Variants in PCDH12 observed in about 807,000 individuals in gnomAD.
PCDH12 encodes the protein protocadherin-12.
PCDH12 carries 45 observed loss-of-function variants against 70.9 expected under a neutral mutation model. The observed-to-expected ratio is 0.63, with a 90% CI of 0.50 to 0.81. The LOEUF (loss-of-function observed/expected upper bound fraction) is 0.81. PCDH12 is among the 40% of genes least tolerant of loss of function. PCDH12 has a pLI of 0.00. For missense variants in PCDH12, 1,370 were observed against 1,491.7 expected, an observed-to-expected ratio of 0.92 and a Z score of 1.34; for synonymous variants, 567 against 626.0, an observed-to-expected ratio of 0.91 and a Z score of 1.41.
At chr5:141,946,310 A>G (rs1384517941) in intron 3 of PCDH12, among the ~76,000 whole-genome samples, 1 of 152,196 alleles carries the variant, frequency 6.6e-6, no homozygotes, top group East Asian at 1.9e-4. Context: ...AGCAATTTAC[A>G]TAATTATTTC....
Position 141,951,489 on chromosome 5 carries a change from T to C in PCDH12, c.2978+4A>G. ...GATGCCTGTGGGGGCTACGTGCTGC[T>C]TACCTGCTGCCTCCTGGCTTGGCCA... On this transcript the variant is annotated splice_donor_region_variant and intron_variant, in intron 2 of 3. Transcript: ENST00000231484. The C allele has an allele frequency of 6.2e-7, 1 of 1,613,296 alleles. No homozygotes were observed. Among genetic ancestry groups the C allele is most frequent in the Non-Finnish European group, 8.5e-7 (1 of 1,179,300 alleles).
At chr5:141,951,398 A>T in intron 2 of PCDH12, 95 bp downstream of exon 2, 1 of 921,028 alleles carries the variant, frequency 1.1e-6, no homozygotes, top group Non-Finnish European at 1.8e-6. Flanking sequence ...CCGGTGTCTG[A>T]CTTGTGCTCA....
chr5:141,951,231 A>G (rs1753074585), intron 2 of PCDH12, among the ~76,000 whole-genome samples: 2 of 152,184 alleles, frequency 1.3e-5, no homozygotes, highest in South Asian at 4.1e-4. Flanking sequence ...GGATGAGGTC[A>G]TTTCCTTGGT....
Position 141,956,601 on chromosome 5 carries a change from T to A in PCDH12, c.1251A>T (p.Thr417=). 6.2e-7 allele frequency: 1 copy of A among 1,614,192 alleles called. No homozygotes were observed. Among genetic ancestry groups the A allele is most frequent in the East Asian group, 2.2e-5 (1 of 44,884 alleles). ...GNTYMLLTNA[T]LDREQWPKYT... ...ATTTGGGCCACTGCTCTCTGTCCAG[T>A]GTGGCATTGGTTAGCAACATGTATG... is the stretch of plus-strand genomic sequence containing the variant. Residue 417 remains threonine (T), a synonymous_variant, in exon 1 of 4, where the codon ACA becomes ACT. Transcript: ENST00000231484.
At chr5:141,951,966 C>T (rs1304621307) in intron 1 of PCDH12, among the ~76,000 whole-genome samples, 1 of 152,252 alleles carries the variant, frequency 6.6e-6, no homozygotes, top group Non-Finnish European at 1.5e-5. Context: ...TTATGTTCCC[C>T]TTTAGCAGTA....
At position 141,954,961 on chromosome 5, in the gene PCDH12, G is replaced by A; in HGVS notation, c.2880+11C>T. On this transcript the variant is annotated intron_variant, in intron 1 of 3. Transcript: ENST00000231484. ...AGTGACCAGAGAAAGAGCTGCCCAT[G>A]CCCCAGGTACCTGAACAGGAGGAGA... 1 of 1,602,410 alleles carries A rather than the reference G, an allele frequency of 6.2e-7. No homozygotes were observed. Among genetic ancestry groups the A allele is most frequent in the Non-Finnish European group, 8.5e-7 (1 of 1,172,630 alleles).
intron 3 of PCDH12, chr5:141,949,182 C>A: frequency 3.4e-6 from 1 of 297,880 alleles, no homozygotes; most frequent in Non-Finnish European, 5.0e-6. Flanking sequence ...TGTGATCATG[C>A]TGTGATCATG....
chr5:141,950,230 A>T (rs1753051636), intron 2 of PCDH12, among the ~76,000 whole-genome samples: 1 of 152,064 alleles, frequency 6.6e-6, no homozygotes, highest in Non-Finnish European at 1.5e-5. Flanking sequence ...TGCTGTCTCC[A>T]TCCTGGTCCC....
chr5:141,955,239 G>C lies in PCDH12; in HGVS notation c.2613C>G (p.Ala871=). The C allele has an allele frequency of 6.2e-7, 1 of 1,614,224 alleles. No individual in the cohort carries two copies. Among genetic ancestry groups the C allele is most frequent in the Non-Finnish European group, 8.5e-7 (1 of 1,180,046 alleles). The change falls in exon 1 of 4, where the codon GCC becomes GCG. Residue 871 remains alanine (A), a synonymous_variant. Coordinates refer to ENST00000231484, the MANE Select transcript of PCDH12 (RefSeq NM_016580.4). This position sits in a 1 kb window ranked among gnomAD's most constrained non-coding sequence, Gnocchi z 5.5. Reference sequence around the variant, plus strand: ...GAGGCCTGGAACGTGGCTGGCCTGTGGCAGGCTGGGGCTCGGGAAGGTTCA... The same window carrying C: ...GAGGCCTGGAACGTGGCTGGCCTGTCGCAGGCTGGGGCTCGGGAAGGTTCA... The part of the protein sequence containing the change: ...ENLNLPEPQP[A]TGQPRSRPLK...
intron 1 of PCDH12, among the ~76,000 whole-genome samples, 184 bp downstream of exon 1, chr5:141,954,788 G>A (rs1236310333): frequency 3.3e-5 from 5 of 152,182 alleles, no homozygotes; most frequent in Admixed American, 6.5e-5. Context: ...ATTTGCCTAG[G>A]ATCACACAGC....
At chr5:141,952,963 G>A (rs1753114384) in intron 1 of PCDH12, 1 of 152,240 alleles carries the variant, frequency 6.6e-6, no homozygotes, top group African/African-American at 2.4e-5. Flanking sequence ...GGCCAGGACT[G>A]GGGTTTCACT....
rs548368477 is a variant in PCDH12 at position 141,957,021 on chromosome 5, C to T, written c.831G>A (p.Gly277=). 28 of 1,614,190 alleles carry T rather than the reference C, an allele frequency of 1.7e-5. No homozygotes were observed. In the East Asian group the frequency reaches 6.2e-4, roughly 36 times the overall value. ...TATDPDQGPN[G]EVEFFLSKHM... Reference sequence around the variant, plus strand: ...GCTTACTGAGGAAGAACTCCACCTCCCCATTGGGGCCTTGGTCAGGGTCTG... The same window carrying T: ...GCTTACTGAGGAAGAACTCCACCTCTCCATTGGGGCCTTGGTCAGGGTCTG... Residue 277 remains glycine (G), a synonymous_variant, in exon 1 of 4, where the codon GGG becomes GGA. Coordinates refer to ENST00000231484, the MANE Select transcript of PCDH12 (RefSeq NM_016580.4). The surrounding 1 kb of genome is among the most constrained non-coding windows in gnomAD (Gnocchi z 4.3).
In PCDH12 at chr5:141,957,455, G is replaced by A; in HGVS notation, c.397C>T (p.Pro133Ser). Reference protein sequence around the residue: ...IQVLDINDHQPRFPKGEQELE... With the variant: ...IQVLDINDHQSRFPKGEQELE... Reference sequence around the variant, plus strand: ...TCCTGCTCGCCTTTGGGAAACCGTGGCTGGTGGTCATTGATGTCCAGCACT... The same window carrying A: ...TCCTGCTCGCCTTTGGGAAACCGTGACTGGTGGTCATTGATGTCCAGCACT... Residue 133 changes from proline to serine, a missense_variant, in exon 1 of 4, where the codon CCA (proline) becomes TCA (serine). By Grantham distance (74) the Pro-to-Ser change is moderately conservative (BLOSUM62 -1). Transcript: ENST00000231484. This position sits in a 1 kb window ranked among gnomAD's most constrained non-coding sequence, Gnocchi z 4.3. The A allele has an allele frequency of 6.2e-7, 1 of 1,612,618 alleles. No individual in the cohort carries two copies. The highest frequency in any genetic ancestry group is 8.5e-7 in the Non-Finnish European group (1 of 1,179,226).
At chr5:141,946,091 A>G (rs568137485) in intron 3 of PCDH12, among the ~76,000 whole-genome samples, 19 of 152,212 alleles carry the variant, frequency 1.2e-4, no homozygotes, top group Middle Eastern at 6.8e-3. Context: ...GAATTTCCCA[A>G]TCTGGGCGTG....
At position 141,955,852 on chromosome 5, in the gene PCDH12, A is replaced by C; in HGVS notation, c.2000T>G (p.Ile667Ser). 1 of 1,614,066 alleles carries C rather than the reference A, an allele frequency of 6.2e-7. No homozygotes were observed. The highest frequency in any genetic ancestry group is 1.3e-5 in the African/African-American group (1 of 75,022). ...TATCTCCAGCTCCCACTCACTCCCA[A>C]TGAGGCTGCTGGCATTGGTGACATT... is the stretch of plus-strand genomic sequence containing the variant. ...FVNVTNASSL[I>S]GSEWELEIVV... The change falls in exon 1 of 4, where the codon ATT becomes AGT. Residue 667 changes from isoleucine (I) to serine (S), a missense_variant. Physicochemically the swap from Ile to Ser is moderately radical, Grantham distance 142. Transcript: ENST00000231484. The surrounding 1 kb of genome is among the most constrained non-coding windows in gnomAD (Gnocchi z 5.5).
chr5:141,958,082 G>T lies in PCDH12; in HGVS notation c.-231C>A, dbSNP rs1240814551. On this transcript the variant is annotated 5_prime_UTR_variant, in exon 1 of 4. Coordinates refer to ENST00000231484, the MANE Select transcript of PCDH12 (RefSeq NM_016580.4). The stretch of plus-strand genomic sequence containing the variant: ...CAAACGCCGATCAAGAATTGCCAGG[G>T]GAGACCCCCTACTGGGGAACTAGTT... 8.9e-6 allele frequency: 5 copies of T among 558,798 alleles called. No individual in the cohort carries two copies. The highest frequency in any genetic ancestry group is 1.6e-5 in the Non-Finnish European group (5 of 319,136). 34.6% of individuals were successfully genotyped at this position (558,798 alleles called of 1,614,324 possible). A position where few individuals can be genotyped will look rare whatever the true frequency, so the allele number is the denominator to read the frequency against.
At position 141,956,971 on chromosome 5, in the gene PCDH12, G is replaced by T. The variant is rs1753195315; in HGVS notation, c.881C>A (p.Thr294Asn). ...SKHMPPEVLD[T>N]FSIDAKTGQV... ...GCCTGTCTTGGCATCAATACTGAAGGTGTCCAGCACCTCTGGAGGCATGTG... is the reference window on the plus strand; with the variant it reads ...GCCTGTCTTGGCATCAATACTGAAGTTGTCCAGCACCTCTGGAGGCATGTG... Residue 294 changes from threonine (T) to asparagine (N), a missense_variant, in exon 1 of 4, where the codon ACC (threonine) becomes AAC (asparagine). By Grantham distance (65) the Thr-to-Asn change is moderately conservative. Coordinates refer to ENST00000231484, the MANE Select transcript of PCDH12 (RefSeq NM_016580.4). 6.2e-7 allele frequency: 1 copy of T among 1,614,096 alleles called. No individual in the cohort carries two copies. The highest frequency in any genetic ancestry group is 8.5e-7 in the Non-Finnish European group (1 of 1,180,044).
Position 141,955,727 on chromosome 5 carries a change from G to C in PCDH12, c.2125C>G (p.Pro709Ala). 6.2e-7 allele frequency: 1 copy of C among 1,614,152 alleles called. No homozygotes were observed. Among genetic ancestry groups the C allele is most frequent in the Non-Finnish European group, 8.5e-7 (1 of 1,180,014 alleles). Residue 709 changes from proline to alanine, a missense_variant, in exon 1 of 4, where the codon CCT becomes GCT. Transcript: ENST00000231484. This position sits in a 1 kb window ranked among gnomAD's most constrained non-coding sequence, Gnocchi z 5.5. Reference protein sequence around the residue: ...VDHLRDSARKPGALSMSMLTV... With the variant: ...VDHLRDSARKAGALSMSMLTV... ...AGCATCGACATGCTCAAGGCCCCAG[G>C]CTTGCGGGCTGAGTCCCTCAGGTGG...
At position 141,945,773 on chromosome 5, in the gene PCDH12, G is replaced by C. The variant is rs776664644; in HGVS notation, c.3163C>G (p.Pro1055Ala). The change falls in exon 4 of 4, where the codon CCG becomes GCG. Residue 1055 changes from proline (P) to alanine (A), a missense_variant. Pro to Ala is a conservative substitution (Grantham distance 27). Coordinates refer to ENST00000231484, the MANE Select transcript of PCDH12 (RefSeq NM_016580.4). ...LALDRLSAPD[P>A]AWMARLSLPL... ...AAAGAGAGTCTCGCCATCCAGGCCG[G>C]GTCAGGGGCGCTCAGCCGGTCCAGG... 2 of 1,613,462 alleles carry C rather than the reference G, an allele frequency of 1.2e-6. No individual in the cohort carries two copies. The highest frequency in any genetic ancestry group is 1.7e-6 in the Non-Finnish European group (2 of 1,179,964).
Sources: gnomAD v4.1 joint callset for allele counts (sites outside exome capture counted in the v4.1 genomes callset) on GRCh38, gnomAD v4.1.1 for gene constraint, Gnocchi (gnomAD v3.1) non-coding constraint, MANE v1.5 for transcripts, NCBI Gene and HGNC (gene_info 2026-07-23, HGNC 2026-07-21) for gene names.